Variants in COL4A5 observed in about 807,000 individuals in gnomAD.
COL4A5 encodes collagen alpha-5(IV) chain.
A neutral mutation model predicts 130.2 loss-of-function variants in COL4A5; 26 were observed. That is an observed-to-expected ratio of 0.20 (90% CI 0.15 to 0.28). The LOEUF (loss-of-function observed/expected upper bound fraction) is 0.28, where lower values mean the gene tolerates loss of function less well. Among genes scored for constraint, COL4A5 ranks in the 10% least tolerant of loss-of-function variants. COL4A5 has a pLI of 1.00. For synonymous variants in COL4A5, 496 were observed against 439.6 expected (o/e 1.13, Z -1.60); for missense variants, 1,131 against 1,344.3 (o/e 0.84, Z 2.48).
intron 19 of COL4A5, among the ~76,000 whole-genome samples, chrX:108,587,933 G>A (rs922869300): frequency 9.0e-6 from 1 of 111,230 alleles, no homozygotes; most frequent in Non-Finnish European, 1.9e-5. Context: ...GCCTAGTTTT[G>A]CAAGATTTCC....
At chrX:108,644,925 A>C (rs868489709) in intron 36 of COL4A5, among the ~76,000 whole-genome samples, 51 of 97,586 alleles carry the variant, frequency 5.2e-4, no homozygotes, top group African/African-American at 2.4e-3. Context: ...ACAACAAAAA[A>C]AAAAAAAAAA....
intron 1 of COL4A5, among the ~76,000 whole-genome samples, chrX:108,477,116 C>G (rs566934777): frequency 9.0e-6 from 1 of 111,325 alleles, no homozygotes; most frequent in Middle Eastern, 4.7e-3. Flanking sequence ...GTGGATCTGC[C>G]TTCCCCAGCC....
At chrX:108,513,866 G>A (rs1339279932) in intron 1 of COL4A5, among the ~76,000 whole-genome samples, 1 of 111,319 alleles carries the variant, frequency 9.0e-6, no homozygotes, top group African/African-American at 3.3e-5. Flanking sequence ...AGGTTTTTAT[G>A]TTTTATGTTT....
At chrX:108,546,814 A>T (rs1165254102) in intron 2 of COL4A5, among the ~76,000 whole-genome samples, 1 of 111,348 alleles carries the variant, frequency 9.0e-6, no homozygotes, top group Non-Finnish European at 1.9e-5. Context: ...GTTTCTTTTT[A>T]TTCTTTTTTC....
At chrX:108,689,437 T>C in intron 49 of COL4A5, 1 of 752,694 alleles carries the variant, frequency 1.3e-6, no homozygotes, top group Non-Finnish European at 1.6e-6. Context: ...GAATCTGCTA[T>C]CAGCATGTAA....
rs752952230 is a variant in COL4A5 at position 108,598,692 on chromosome X, C to G, written c.1780-10C>G. The G allele has an allele frequency of 2.5e-6, 3 of 1,206,677 alleles. No homozygotes were observed. The highest frequency in any genetic ancestry group is 3.4e-6 in the Non-Finnish European group (3 of 891,688). On this transcript the variant is annotated splice_polypyrimidine_tract_variant and intron_variant, in intron 24 of 52. Coordinates refer to ENST00000328300, the MANE Select transcript of COL4A5 (RefSeq NM_033380.3). Reference sequence around the variant, plus strand: ...CTATATGTTTCTGTATTAAACTTTTCCCTTTTTAGGGTGGAATTACTTTTA... The same window carrying G: ...CTATATGTTTCTGTATTAAACTTTTGCCTTTTTAGGGTGGAATTACTTTTA...
intron 36 of COL4A5, among the ~76,000 whole-genome samples, chrX:108,650,114 A>G (rs1399729444): frequency 1.8e-5 from 2 of 111,875 alleles, no homozygotes; most frequent in African/African-American, 6.5e-5. Context: ...GGCTAAGGAC[A>G]TGAATAGACA....
chrX:108,648,519 G>A (rs4275373), intron 36 of COL4A5, among the ~76,000 whole-genome samples: 43,157 of 110,053 alleles, frequency 0.39, 8,025 homozygotes, highest in East Asian at 0.72. Context: ...ATCCAACAGC[G>A]TATCAAAAAG....
intron 19 of COL4A5, among the ~76,000 whole-genome samples, chrX:108,589,055 A>G (rs187829256): frequency 5.4e-5 from 6 of 111,803 alleles, no homozygotes; most frequent in Non-Finnish European, 1.1e-4. Context: ...AGTAAAGCAT[A>G]TTAAGTCTAA....
intron 4 of COL4A5, among the ~76,000 whole-genome samples, chrX:108,564,311 G>A (rs1313900189): frequency 4.5e-5 from 5 of 111,565 alleles, no homozygotes; most frequent in Non-Finnish European, 9.4e-5. Flanking sequence ...ACCTCAGGCT[G>A]TGTATCCTCC....
intron 1 of COL4A5, among the ~76,000 whole-genome samples, chrX:108,504,930 A>G (rs1161059158): frequency 8.9e-6 from 1 of 112,160 alleles, no homozygotes; most frequent in Non-Finnish European, 1.9e-5. Context: ...TGAAAAAGAC[A>G]TGTGCATGCA....
intron 2 of COL4A5, among the ~76,000 whole-genome samples, chrX:108,551,792 G>A (rs2065756667): frequency 8.9e-6 from 1 of 111,837 alleles, no homozygotes; most frequent in Admixed American, 9.5e-5. Context: ...ATTCACAATA[G>A]CAAAGATGGA....
intron 37 of COL4A5, among the ~76,000 whole-genome samples, chrX:108,660,488 A>G (rs1178528296): frequency 8.9e-6 from 1 of 111,957 alleles, no homozygotes; most frequent in East Asian, 2.8e-4. Flanking sequence ...TCCATTTTAA[A>G]TAAATTTTTC....
At chrX:108,491,297 G>A in intron 1 of COL4A5, among the ~76,000 whole-genome samples, 1 of 111,624 alleles carries the variant, frequency 9.0e-6, no homozygotes, top group South Asian at 3.8e-4. Context: ...CTGAGGAATG[G>A]CTAGAGTGGG....
Position 108,629,760 on chromosome X carries a change from C to A in COL4A5, c.3246+3411C>A, listed in dbSNP as rs191204124. Among the ~76,000 whole-genome samples, 112 of 110,881 alleles carry A rather than the reference C, an allele frequency of 1.0e-3. 4 individuals carry two copies. The East Asian group carries it at 0.031, about 31-fold the overall frequency. On this transcript the variant is annotated intron_variant, in intron 36 of 52. Coordinates refer to ENST00000328300, the MANE Select transcript of COL4A5 (RefSeq NM_033380.3). Reference sequence around the variant, plus strand: ...ACATGTGCCGTATTGGTTTGTTGCACCCATTAACTCATCATTTACATTAGG... The same window carrying A: ...ACATGTGCCGTATTGGTTTGTTGCAACCATTAACTCATCATTTACATTAGG...
At chrX:108,607,699 G>A (rs1311068638) in intron 29 of COL4A5, among the ~76,000 whole-genome samples, 1 of 110,635 alleles carries the variant, frequency 9.0e-6, no homozygotes, top group African/African-American at 3.3e-5. Flanking sequence ...GGCCAGGCTG[G>A]TCTCGAACTC....
chrX:108,462,914 C>T (rs1603248078), intron 1 of COL4A5: 1 of 112,071 alleles, frequency 8.9e-6, no homozygotes, highest in Middle Eastern at 4.6e-3. Context: ...TCAAGTGTAA[C>T]ACATATTCTT....
intron 36 of COL4A5, among the ~76,000 whole-genome samples, chrX:108,628,430 T>C (rs1210969842): frequency 2.7e-5 from 3 of 111,502 alleles, no homozygotes; most frequent in Non-Finnish European, 5.7e-5. Context: ...CTACAGATAT[T>C]GGGTGTTATC....
At chrX:108,669,985 G>T (rs1603311429) in intron 41 of COL4A5, 2 of 369,200 alleles carry the variant, frequency 5.4e-6, no homozygotes, top group Non-Finnish European at 9.4e-6. Context: ...ATGACTTTTG[G>T]CCTTTAAAAA....
Sources: allele counts gnomAD v4.1 joint callset (sites outside exome capture counted in the v4.1 genomes callset), GRCh38; gene constraint gnomAD v4.1.1; transcripts MANE v1.5; gene names NCBI Gene and HGNC (gene_info 2026-07-23, HGNC 2026-07-21).